Variants in ELF1 observed in about 807,000 individuals in gnomAD.
ELF1 encodes ETS-related transcription factor Elf-1.
ELF1 carries 24 observed loss-of-function variants against 59.9 expected under a neutral mutation model. That is an observed-to-expected ratio of 0.40 (90% CI 0.29 to 0.56). The LOEUF (loss-of-function observed/expected upper bound fraction) is 0.56, where lower values mean the gene tolerates loss of function less well. ELF1 is among the 20% of genes least tolerant of loss of function. ELF1 has a pLI of 0.44. For synonymous variants in ELF1, 248 were observed against 266.2 expected (o/e 0.93, Z 0.67); for missense variants, 627 against 742.2 (o/e 0.84, Z 1.80).
chr13:41,030,229 T>C (rs1876107043), intron 1 of ELF1, among the ~76,000 whole-genome samples: 1 of 152,052 alleles, frequency 6.6e-6, no homozygotes, highest in Admixed American at 6.6e-5. Context: ...AAAAAAGGCA[T>C]GTGTGTTTCC....
At chr13:40,973,811 T>C (rs927750700) in intron 2 of ELF1, among the ~76,000 whole-genome samples, 19 of 152,174 alleles carry the variant, frequency 1.2e-4, no homozygotes, top group African/African-American at 4.6e-4. Context: ...TATATCCATA[T>C]GATACAATAT....
At chr13:41,042,634 G>T (rs957636325) in intron 1 of ELF1, among the ~76,000 whole-genome samples, 1 of 152,132 alleles carries the variant, frequency 6.6e-6, no homozygotes, top group Non-Finnish European at 1.5e-5. Flanking sequence ...CAAAGGACAT[G>T]AACTCATCCT....
At chr13:41,030,257 A>C (rs1410144638) in intron 1 of ELF1, among the ~76,000 whole-genome samples, 1 of 152,212 alleles carries the variant, frequency 6.6e-6, no homozygotes, top group Non-Finnish European at 1.5e-5. Flanking sequence ...AGGAATGAGC[A>C]ACTGTGCCAA....
At chr13:40,934,419 T>C (rs1453297399) in intron 8 of ELF1, among the ~76,000 whole-genome samples, 2 of 103,630 alleles carry the variant, frequency 1.9e-5, no homozygotes, top group East Asian at 9.0e-4. Flanking sequence ...ATTCCTGCTT[T>C]TTTTTTTTTT....
At chr13:40,955,291 C>A (rs1252509981) in intron 3 of ELF1, among the ~76,000 whole-genome samples, 2 of 146,136 alleles carry the variant, frequency 1.4e-5, no homozygotes, top group African/African-American at 5.1e-5. Context: ...GTCAGCCCCC[C>A]GCCCGGCCAG....
intron 1 of ELF1, among the ~76,000 whole-genome samples, chr13:41,044,949 T>C (rs1484804469): frequency 6.6e-6 from 1 of 152,196 alleles, no homozygotes; most frequent in Non-Finnish European, 1.5e-5. Flanking sequence ...TGGTAGGCTA[T>C]TAATTATTTC....
intron 6 of ELF1, 129 bp downstream of exon 6, chr13:40,943,713 T>C (rs1870326994): frequency 6.0e-6 from 4 of 663,292 alleles, no homozygotes. Flanking sequence ...CAAATGTATC[T>C]AATAAGCATG....
intron 5 of ELF1, among the ~76,000 whole-genome samples, chr13:40,945,234 C>G (rs1423877127): frequency 6.6e-6 from 1 of 152,184 alleles, no homozygotes; most frequent in African/African-American, 2.4e-5. Context: ...GCTTTAGTCA[C>G]AACAGATGCT....
At chr13:41,039,899 A>C (rs1876536682) in intron 1 of ELF1, among the ~76,000 whole-genome samples, 1 of 152,234 alleles carries the variant, frequency 6.6e-6, no homozygotes, top group Non-Finnish European at 1.5e-5. Context: ...TAAGGCATGA[A>C]TAGGCACTTC....
intron 3 of ELF1, among the ~76,000 whole-genome samples, chr13:40,957,356 C>G (rs1486827531): frequency 7.5e-6 from 1 of 133,316 alleles, no homozygotes; most frequent in Non-Finnish European, 1.6e-5. Context: ...AATTCAGGAC[C>G]CAAAAGGGCA....
intron 1 of ELF1, among the ~76,000 whole-genome samples, chr13:41,043,285 C>A (rs1275039592): frequency 6.6e-6 from 1 of 152,120 alleles, no homozygotes; most frequent in East Asian, 1.9e-4. Context: ...GTTTCTTTTG[C>A]TGTGAAGAAG....
At chr13:41,037,330 A>G (rs1477894750) in intron 1 of ELF1, among the ~76,000 whole-genome samples, 1 of 152,218 alleles carries the variant, frequency 6.6e-6, no homozygotes, top group East Asian at 1.9e-4. Flanking sequence ...CAAGTAACAG[A>G]ATAATGAGAA....
intron 2 of ELF1, among the ~76,000 whole-genome samples, chr13:40,973,252 G>A (rs1458653321): frequency 6.6e-6 from 1 of 152,076 alleles, no homozygotes; most frequent in East Asian, 1.9e-4. Flanking sequence ...ATCACATTTA[G>A]TGGGAACAGG....
intron 1 of ELF1, chr13:40,993,180 G>T: frequency 6.6e-7 from 1 of 1,509,894 alleles, no homozygotes; most frequent in Non-Finnish European, 9.2e-7. Context: ...GGTTCTTCCT[G>T]CATTTTCCCC....
chr13:41,030,402 G>A (rs1206309384), intron 1 of ELF1, among the ~76,000 whole-genome samples: 4 of 152,034 alleles, frequency 2.6e-5, no homozygotes, highest in African/African-American at 7.2e-5. Context: ...AAAAAACCCT[G>A]ATTAGGTAAA....
In ELF1 at chr13:40,951,482, G is replaced by A. The variant is rs748964674; in HGVS notation, c.254-46C>T. 4 of 1,514,508 alleles carry A rather than the reference G, an allele frequency of 2.6e-6. No individual in the cohort carries two copies. In the South Asian group the frequency reaches 4.5e-5, roughly 17 times the overall value. 93.8% of individuals were successfully genotyped at this position (1,514,508 alleles called of 1,614,324 possible). On this transcript the variant is annotated intron_variant, in intron 3 of 8. Transcript: ENST00000239882. ...AAATTAAATTAACTACGAGACATCT[G>A]TTACTCTGAAAGTCATACACCGCTT...
chr13:40,943,382 A>C (rs9315795), intron 6 of ELF1, among the ~76,000 whole-genome samples: 1 of 151,992 alleles, frequency 6.6e-6, no homozygotes, highest in Non-Finnish European at 1.5e-5. Flanking sequence ...CAATCTTGTC[A>C]TAAGATTTGT....
chr13:40,961,549 C>T (rs1383409465), intron 2 of ELF1, among the ~76,000 whole-genome samples: 1 of 151,712 alleles, frequency 6.6e-6, no homozygotes, highest in Admixed American at 6.6e-5. Flanking sequence ...GGCAACACAG[C>T]AAAACCCTGT....
intron 1 of ELF1, among the ~76,000 whole-genome samples, chr13:40,996,337 G>A (rs2138319959): frequency 6.6e-6 from 1 of 152,272 alleles, no homozygotes; most frequent in Non-Finnish European, 1.5e-5. Context: ...AAAAACTTAT[G>A]TCCACACAAA....
Sources: gnomAD v4.1 joint callset for allele counts (sites outside exome capture counted in the v4.1 genomes callset) on GRCh38, gnomAD v4.1.1 for gene constraint, MANE v1.5 for transcripts, NCBI Gene and HGNC (gene_info 2026-07-23, HGNC 2026-07-21) for gene names.